MTF1: variants seen among roughly 807,000 people sequenced by gnomAD.
MTF1 encodes the protein metal regulatory transcription factor 1, also known as MRE-binding transcription factor.
MTF1 carries 22 observed loss-of-function variants against 70.4 expected under a neutral mutation model. The ratio of observed to expected loss-of-function variants is 0.31; its 90% CI spans 0.22 to 0.45. The LOEUF is 0.45. Ranked by LOEUF, MTF1 falls within the 20% of genes least tolerant of loss-of-function variation. The probability of loss-of-function intolerance (pLI) is 1.00; values close to 1 mark genes in which losing one functional copy is unlikely to be tolerated. For synonymous variants in MTF1, 333 were observed against 352.8 expected (o/e 0.94, Z 0.63); for missense variants, 649 against 922.0 (o/e 0.70, Z 3.83).
chr1:37,849,794 G>A (rs1338697214), intron 2 of MTF1, among the ~76,000 whole-genome samples: 1 of 152,218 alleles, frequency 6.6e-6, no homozygotes, highest in African/African-American at 2.4e-5. Flanking sequence ...GGCTAAGGAG[G>A]GAGAATTGGT....
intron 2 of MTF1, among the ~76,000 whole-genome samples, chr1:37,849,196 C>A (rs899443874): frequency 1.3e-5 from 2 of 152,114 alleles, no homozygotes; most frequent in Admixed American, 6.5e-5. Flanking sequence ...GAGGCCAAGG[C>A]GGGTGGATCA....
intron 4 of MTF1, among the ~76,000 whole-genome samples, chr1:37,836,586 C>T (rs1641173507): frequency 6.6e-6 from 1 of 152,084 alleles, no homozygotes; most frequent in Non-Finnish European, 1.5e-5. Context: ...CTTTACATTT[C>T]TTTTATGGCA....
intron 9 of MTF1, among the ~76,000 whole-genome samples, chr1:37,821,331 T>G (rs1208503729): frequency 6.6e-6 from 1 of 152,080 alleles, no homozygotes; most frequent in South Asian, 2.1e-4. Context: ...TTAAAAAATA[T>G]GTAGCACAAT....
chr1:37,859,479 C>T (rs929671923), intron 1 of MTF1, 52 bp downstream of exon 1: 4 of 398,742 alleles, frequency 1.0e-5, no homozygotes, highest in Non-Finnish European at 1.8e-5. Flanking sequence ...GCCTAAGTCC[C>T]GCGCCTCCCG....
chr1:37,832,376 C>A, intron 6 of MTF1, 54 bp from the exon 7 acceptor site: 1 of 1,114,622 alleles, frequency 9.0e-7, no homozygotes, highest in East Asian at 2.4e-5. Context: ...TTTACAGTGG[C>A]ATATCATGTA....
At chr1:37,859,050 C>T (rs1488902725) in intron 1 of MTF1, among the ~76,000 whole-genome samples, 1 of 152,184 alleles carries the variant, frequency 6.6e-6, no homozygotes, top group Non-Finnish European at 1.5e-5. Context: ...CCGGCCCGAC[C>T]CCTAGCTCTG....
chr1:37,845,461 A>G lies in MTF1; in HGVS notation c.409-5303T>C, dbSNP rs577318093. Among the ~76,000 whole-genome samples, 5 of 152,290 alleles carry G rather than the reference A, an allele frequency of 3.3e-5. No individual in the cohort carries two copies. The East Asian group carries it at 9.6e-4, about 29-fold the overall frequency. On this transcript the variant is annotated intron_variant, in intron 2 of 10. Coordinates refer to ENST00000373036, the MANE Select transcript of MTF1 (RefSeq NM_005955.3). ...GGAGGGGGCGGATAGCAAGTTAGAA[A>G]AGGACACAGATTGGGGAAAGTATTT...
intron 3 of MTF1, 51 bp from the exon 4 acceptor site, chr1:37,838,807 T>TTTTTTTTTTTTTTTG: frequency 8.1e-7 from 1 of 1,227,932 alleles, no homozygotes; most frequent in Non-Finnish European, 1.1e-6. Context: ...CTTTTTTTTT[T>TTTTTTTTTTTTTTTG]TTTTTTTTTT....
intron 2 of MTF1, among the ~76,000 whole-genome samples, chr1:37,848,575 A>G (rs1641367323): frequency 6.6e-6 from 1 of 152,226 alleles, no homozygotes. Flanking sequence ...TGAAATGTAA[A>G]TCGAGACCTA....
Position 37,840,581 on chromosome 1 carries a change from A to C in MTF1, c.409-423T>G. On this transcript the variant is annotated intron_variant, in intron 2 of 10. Transcript: ENST00000373036. The surrounding 1 kb of genome is among the most constrained non-coding windows in gnomAD (Gnocchi z 4.5). The stretch of plus-strand genomic sequence containing the variant: ...ATTAAATTGAGTTTAAAACATCTGG[A>C]AATTTACATACTTAATCATCAAACA... The C allele has an allele frequency of 2.3e-6, 1 of 441,136 alleles. No individual in the cohort carries two copies. The highest frequency in any genetic ancestry group is 1.6e-5 in the South Asian group (1 of 60,922). The allele number at this position is 441,136 out of a possible 1,614,324, so 27.3% of individuals were successfully genotyped here.
rs372768266 is a variant in MTF1 at position 37,817,931 on chromosome 1, T to C, written c.1768-449A>G. On this transcript the variant is annotated intron_variant, in intron 9 of 10. Transcript: ENST00000373036. ...ATGCCAAGGACAGGTTAAGGCTTCC[T>C]CTCACAGGTAGACAGCCCTGTAAAG... Among the ~76,000 whole-genome samples, 5 of 152,218 alleles carry C rather than the reference T, an allele frequency of 3.3e-5. No individual in the cohort carries two copies. In the East Asian group the frequency reaches 5.8e-4, roughly 18 times the overall value.
chr1:37,848,946 G>C (rs537169080), intron 2 of MTF1, among the ~76,000 whole-genome samples: 2 of 152,328 alleles, frequency 1.3e-5, no homozygotes, highest in South Asian at 2.1e-4. Context: ...TGAGGCATGA[G>C]ATTGGAACTA....
chr1:37,858,870 T>C (rs1267713092), intron 1 of MTF1, among the ~76,000 whole-genome samples: 2 of 152,248 alleles, frequency 1.3e-5, no homozygotes, highest in African/African-American at 4.8e-5. Context: ...AAATGTGGGT[T>C]TGGCAGGCAG....
chr1:37,818,659 G>A (rs865823048), intron 9 of MTF1, among the ~76,000 whole-genome samples: 3 of 148,984 alleles, frequency 2.0e-5, no homozygotes, highest in African/African-American at 5.0e-5. Flanking sequence ...AGCCGAGATC[G>A]CGCCACTGCA....
At position 37,815,565 on chromosome 1, in the gene MTF1, C is replaced by G; in HGVS notation, c.1833G>C (p.Gly611=). 2 of 1,525,306 alleles carry G rather than the reference C, an allele frequency of 1.3e-6. No homozygotes were observed. 94.5% of individuals were successfully genotyped at this position (1,525,306 alleles called of 1,614,324 possible). ...TGAGGCCAATCTGCTGGACAGAGCTCCCTGCGAGAGAGGCAAGAGAGACTG... is the reference window on the plus strand; with the variant it reads ...TGAGGCCAATCTGCTGGACAGAGCTGCCTGCGAGAGAGGCAAGAGAGACTG... ...TTAVPVASSP[G]SSVQQIGLSV... The change falls in exon 11 of 11, where the codon GGG becomes GGC. Residue 611 remains glycine (G), a splice_region_variant and synonymous_variant. Coordinates refer to ENST00000373036, the MANE Select transcript of MTF1 (RefSeq NM_005955.3). The surrounding 1 kb of genome is among the most constrained non-coding windows in gnomAD (Gnocchi z 4.5).
chr1:37,828,071 A>T, intron 7 of MTF1: 1 of 326,728 alleles, frequency 3.1e-6, no homozygotes, highest in Non-Finnish European at 5.9e-6. Context: ...AGAATGAATG[A>T]CCTGTAACTG....
chr1:37,816,255 G>C (rs1376470940), intron 10 of MTF1, among the ~76,000 whole-genome samples: 1 of 152,188 alleles, frequency 6.6e-6, no homozygotes, highest in Non-Finnish European at 1.5e-5. Context: ...GGCAGGATGA[G>C]GTGCAGTGGC....
At chr1:37,853,060 C>T (rs1641440118) in intron 2 of MTF1, among the ~76,000 whole-genome samples, 1 of 152,206 alleles carries the variant, frequency 6.6e-6, no homozygotes, top group South Asian at 2.1e-4. Flanking sequence ...ATCCTTTCTT[C>T]AGATTTAAAT....
intron 9 of MTF1, among the ~76,000 whole-genome samples, chr1:37,821,163 C>T (rs1640904433): frequency 6.9e-6 from 1 of 145,970 alleles, no homozygotes; most frequent in Non-Finnish European, 1.5e-5. Context: ...GTGACAGAGC[C>T]TCAAAATATA....
Sources: gnomAD v4.1 joint callset for allele counts (sites outside exome capture counted in the v4.1 genomes callset) on GRCh38, gnomAD v4.1.1 for gene constraint, Gnocchi (gnomAD v3.1) non-coding constraint, MANE v1.5 for transcripts, NCBI Gene and HGNC (gene_info 2026-07-23, HGNC 2026-07-21) for gene names.